The following STMN4 variants were observed in gnomAD, a reference collection of about 807,000 sequenced individuals.
The protein encoded by STMN4 is stathmin-4.
A neutral mutation model predicts 29.1 loss-of-function variants in STMN4; 12 were observed. The observed-to-expected ratio is 0.41, with a 90% CI of 0.26 to 0.67. The LOEUF is 0.67. Among genes scored for constraint, STMN4 ranks in the 30% least tolerant of loss-of-function variants. The pLI is 0.30. For missense variants in STMN4, 181 were observed against 262.8 expected (o/e 0.69, Z 2.15); for synonymous variants, 114 against 105.3 (o/e 1.08, Z -0.51).
chr8:27,242,243 A>G (rs568901112), intron 3 of STMN4, 154 bp downstream of exon 3: 3 of 760,756 alleles, frequency 3.9e-6, no homozygotes, highest in African/African-American at 3.5e-5. Flanking sequence ...TGCAGCTCAG[A>G]CCCTCGGGCT....
At chr8:27,249,643 A>T (rs1801727958) in intron 1 of STMN4, among the ~76,000 whole-genome samples, 2 of 152,252 alleles carry the variant, frequency 1.3e-5, no homozygotes, top group South Asian at 4.1e-4. Context: ...CCACATGGTC[A>T]CCAGAGCAGC....
intron 1 of STMN4, among the ~76,000 whole-genome samples, chr8:27,252,454 CA>C (rs1563422096): frequency 6.6e-6 from 1 of 152,344 alleles, no homozygotes; most frequent in Admixed American, 6.5e-5. Flanking sequence ...ACAACCCCAT[CA>C]AAAAAAATTT....
In STMN4 at chr8:27,243,813, G is replaced by C; in HGVS notation, c.-78-12C>G. On this transcript the variant is annotated splice_polypyrimidine_tract_variant and intron_variant, in intron 1 of 6. Transcript: ENST00000350889. ...ACGCTGTCACCAACCTGAGAAAAGG[G>C]GAGGACAGGATTTTACCATCGATGG... is the stretch of plus-strand genomic sequence containing the variant. The C allele has an allele frequency of 6.2e-7, 1 of 1,612,490 alleles. No individual in the cohort carries two copies. Among genetic ancestry groups the C allele is most frequent in the South Asian group, 1.1e-5 (1 of 91,010 alleles).
chr8:27,255,163 C>G (rs889691573), intron 1 of STMN4, among the ~76,000 whole-genome samples: 1 of 152,136 alleles, frequency 6.6e-6, no homozygotes, highest in Non-Finnish European at 1.5e-5. Context: ...TGTCACATCT[C>G]TAAATATAGC....
chr8:27,242,950 G>A lies in STMN4; in HGVS notation c.14-458C>T, dbSNP rs989505431. 2.6e-5 allele frequency among the ~76,000 whole-genome samples: 4 copies of A among 152,282 alleles called. No homozygotes were observed. The South Asian group carries it at 6.2e-4, about 24-fold the overall frequency. ...TTAAGGAGCTGGATAGGAGGGGACC[G>A]TCCTCACCACCATCCCTCTGGTCTG... On this transcript the variant is annotated intron_variant, in intron 2 of 6. Coordinates refer to ENST00000350889, the MANE Select transcript of STMN4 (RefSeq NM_030795.4).
Position 27,242,510 on chromosome 8 carries a change from C to G in STMN4, c.14-18G>C. 1 of 1,613,420 alleles carries G rather than the reference C, an allele frequency of 6.2e-7. No individual in the cohort carries two copies. Among genetic ancestry groups the G allele is most frequent in the Non-Finnish European group, 8.5e-7 (1 of 1,179,502 alleles). On this transcript the variant is annotated intron_variant, in intron 2 of 6. Coordinates refer to ENST00000350889, the MANE Select transcript of STMN4 (RefSeq NM_030795.4). ...TTTGTAGGCTGCGGAAACACCCAGT[C>G]AGGTGAGGATGGCGCCTCTCCTAGC...
chr8:27,241,599 G>T, intron 4 of STMN4, 78 bp downstream of exon 4: 1 of 1,548,714 alleles, frequency 6.5e-7, no homozygotes, highest in Non-Finnish European at 8.9e-7. Flanking sequence ...GCAGGGGTGC[G>T]TTTCAGCCCC....
chr8:27,242,907 C>T (rs1801517720), intron 2 of STMN4, among the ~76,000 whole-genome samples: 1 of 152,200 alleles, frequency 6.6e-6, no homozygotes, highest in Non-Finnish European at 1.5e-5. Flanking sequence ...AAATACCTGG[C>T]AGCGCTGGCC....
chr8:27,243,617 T>C, intron 2 of STMN4, 94 bp downstream of exon 2: 2 of 1,374,032 alleles, frequency 1.5e-6, no homozygotes, highest in Non-Finnish European at 2.1e-6. Context: ...GTGTGCTTCC[T>C]GCCAGCTGTG....
chr8:27,245,497 T>C (rs1231293220), intron 1 of STMN4, among the ~76,000 whole-genome samples: 1 of 152,248 alleles, frequency 6.6e-6, no homozygotes, highest in African/African-American at 2.4e-5. Flanking sequence ...GCCCCTGTCA[T>C]TGCAGCACAA....
intron 1 of STMN4, among the ~76,000 whole-genome samples, chr8:27,253,730 G>GATTT (rs1266139669): frequency 3.3e-5 from 5 of 149,616 alleles, no homozygotes; most frequent in African/African-American, 1.2e-4. Context: ...TCTTTAATTT[G>GATTT]ATTTTTTTTT....
Position 27,243,716 on chromosome 8 carries a change from A to G in STMN4, c.8T>C (p.Leu3Pro). MT[L>P]AAYKEKMKEL... is the part of the protein sequence containing the mutation. ...CACATGGTTTTTGTACCTACCAGCA[A>G]GGGTCATGTTTCTGGGATCTGGTGG... Residue 3 changes from leucine (L) to proline (P), a missense_variant, in exon 2 of 7, where the codon CTT becomes CCT. By Grantham distance (98) the Leu-to-Pro change is moderately conservative (BLOSUM62 -3). Coordinates refer to ENST00000350889, the MANE Select transcript of STMN4 (RefSeq NM_030795.4). 1 of 1,614,118 alleles carries G rather than the reference A, an allele frequency of 6.2e-7. No individual in the cohort carries two copies. Among genetic ancestry groups the G allele is most frequent in the Non-Finnish European group, 8.5e-7 (1 of 1,180,014 alleles).
chr8:27,242,624 C>T (rs921295313), intron 2 of STMN4, 132 bp from the exon 3 acceptor site: 10 of 828,602 alleles, frequency 1.2e-5, no homozygotes, highest in Non-Finnish European at 1.9e-5. Flanking sequence ...CACGCCAAGC[C>T]TGGGGATCCA....
chr8:27,236,566 G>T lies in STMN4; in HGVS notation c.*280C>A. 2 of 289,104 alleles carry T rather than the reference G, an allele frequency of 6.9e-6. No homozygotes were observed. The highest frequency in any genetic ancestry group is 5.3e-5 in the Admixed American group (1 of 18,742). 17.9% of individuals were successfully genotyped at this position (289,104 alleles called of 1,614,324 possible). ...GAGATGTGAAAATCAGATCTGCGCC[G>T]GGCAGGGTTGCAATGTCCTTGAGTT... On this transcript the variant is annotated 3_prime_UTR_variant, in exon 7 of 7. Coordinates refer to ENST00000350889, the MANE Select transcript of STMN4 (RefSeq NM_030795.4).
At chr8:27,248,803 G>A (rs1365353903) in intron 1 of STMN4, among the ~76,000 whole-genome samples, 1 of 152,162 alleles carries the variant, frequency 6.6e-6, no homozygotes, top group Non-Finnish European at 1.5e-5. Context: ...GTTCTGCTGC[G>A]AGTGTAAAAA....
At chr8:27,239,461 CA>C (rs1040375873) in intron 6 of STMN4, 3 of 719,456 alleles carry the variant, frequency 4.2e-6, no homozygotes, top group Middle Eastern at 3.9e-4. Flanking sequence ...CATTTATTGA[CA>C]AAAGGCAACA....
chr8:27,253,400 G>A (rs1801848512), intron 1 of STMN4, among the ~76,000 whole-genome samples: 1 of 152,180 alleles, frequency 6.6e-6, no homozygotes, highest in Non-Finnish European at 1.5e-5. Flanking sequence ...ATTTGTGTGA[G>A]ATGAGAGGTT....
chr8:27,255,198 G>A (rs1177416737), intron 1 of STMN4, among the ~76,000 whole-genome samples: 3 of 151,884 alleles, frequency 2.0e-5, no homozygotes, highest in Non-Finnish European at 2.9e-5. Flanking sequence ...TAAGCAAATC[G>A]AATTATACAT....
At position 27,241,737 on chromosome 8, in the gene STMN4, T is replaced by C; in HGVS notation, c.130A>G (p.Arg44Gly). ...KYEGWCGRQC[R>G]RKDESQRKDS... is the part of the protein sequence containing the mutation. ...TTCCGCTGGCTTTCATCCTTCCTCC[T>C]ACACTGTCTCCCACACCAGCCTAGA... is the stretch of plus-strand genomic sequence containing the variant. The change falls in exon 4 of 7, where the codon AGG becomes GGG. Residue 44 changes from arginine to glycine, a missense_variant. Physicochemically the swap from Arg to Gly is moderately radical, Grantham distance 125 (BLOSUM62 -2). Transcript: ENST00000350889. 6.2e-7 allele frequency: 1 copy of C among 1,614,180 alleles called. No homozygotes were observed. Among genetic ancestry groups the C allele is most frequent in the Non-Finnish European group, 8.5e-7 (1 of 1,180,022 alleles).
Sources: gnomAD v4.1 joint callset for allele counts (sites outside exome capture counted in the v4.1 genomes callset) on GRCh38, gnomAD v4.1.1 for gene constraint, MANE v1.5 for transcripts, NCBI Gene and HGNC (gene_info 2026-07-23, HGNC 2026-07-21) for gene names.